Variants in RIPOR2 observed in about 807,000 individuals in gnomAD.
RIPOR2 encodes RHO family interacting cell polarization regulator 2, also known as rho family-interacting cell polarization regulator 2.
In RIPOR2, 39 loss-of-function variants were observed where a neutral mutation model predicts 114.5. The ratio of observed to expected loss-of-function variants is 0.34; its 90% CI spans 0.26 to 0.44. The LOEUF (loss-of-function observed/expected upper bound fraction) is 0.44. RIPOR2 is among the 20% of genes least tolerant of loss of function. RIPOR2 has a pLI of 1.00. For synonymous variants in RIPOR2, 445 were observed against 484.4 expected (o/e 0.92, Z 1.07); for missense variants, 1,007 against 1,255.1 (o/e 0.80, Z 2.99).
intron 1 of RIPOR2, among the ~76,000 whole-genome samples, chr6:25,029,054 C>A (rs1180265106): frequency 2.6e-5 from 4 of 151,948 alleles, no homozygotes; most frequent in African/African-American, 4.8e-5. Context: ...TTTGGGAGGC[C>A]GAGGCAGGTG....
At chr6:24,871,509 G>A (rs941679056) in intron 4 of RIPOR2, among the ~76,000 whole-genome samples, 4 of 152,112 alleles carry the variant, frequency 2.6e-5, no homozygotes, top group East Asian at 1.9e-4. Flanking sequence ...CCACCACCAC[G>A]CCCAGCTAAT....
chr6:24,916,810 C>A (rs1384089459), intron 1 of RIPOR2, among the ~76,000 whole-genome samples: 4 of 152,196 alleles, frequency 2.6e-5, no homozygotes, highest in African/African-American at 9.7e-5. Flanking sequence ...ACACTCTTGA[C>A]ATTTTAGTAT....
At chr6:24,911,015 C>G in intron 1 of RIPOR2, 9 of 982,174 alleles carry the variant, frequency 9.2e-6, no homozygotes, top group Non-Finnish European at 1.1e-5. Flanking sequence ...GCTGCCCTGC[C>G]GCGTCCGCTC....
chr6:24,942,048 G>C (rs1479035696), intron 1 of RIPOR2, among the ~76,000 whole-genome samples: 2 of 152,092 alleles, frequency 1.3e-5, no homozygotes, highest in Non-Finnish European at 2.9e-5. Context: ...AAGATGAGAA[G>C]ATATAACTTT....
At chr6:24,977,254 A>AT (rs1230999180) in intron 1 of RIPOR2, among the ~76,000 whole-genome samples, 1 of 151,698 alleles carries the variant, frequency 6.6e-6, no homozygotes, top group Non-Finnish European at 1.5e-5. Context: ...TTTGTGGCAA[A>AT]TAAGCCATAC....
intron 1 of RIPOR2, among the ~76,000 whole-genome samples, chr6:24,967,762 A>C (rs372557982): frequency 4.6e-5 from 7 of 152,112 alleles, no homozygotes; most frequent in South Asian, 2.1e-4. Context: ...AGGCATTCTC[A>C]TTATTTTCCT....
rs576291833 is a variant in RIPOR2, at chr6:24,878,595, T to C, written c.62-2778A>G. Among the ~76,000 whole-genome samples, 7 of 152,292 alleles carry C rather than the reference T, an allele frequency of 4.6e-5. No homozygotes were observed. The South Asian group carries it at 1.2e-3, about 27-fold the overall frequency. ...CAAGCCAATTTTCCCCCCTTATCCATTGGATCACGGTAGTTTAAACTACTG... is the reference window on the plus strand; with the variant it reads ...CAAGCCAATTTTCCCCCCTTATCCACTGGATCACGGTAGTTTAAACTACTG... On this transcript the variant is annotated intron_variant, in intron 1 of 21. Coordinates refer to ENST00000643898, the MANE Select transcript of RIPOR2 (RefSeq NM_001286445.3).
chr6:24,951,674 C>G (rs1772770698), intron 1 of RIPOR2, among the ~76,000 whole-genome samples: 1 of 152,164 alleles, frequency 6.6e-6, no homozygotes, highest in African/African-American at 2.4e-5. Context: ...ACATTAAAAA[C>G]TGGTACAAAG....
At chr6:24,952,880 T>C (rs984112841) in intron 1 of RIPOR2, among the ~76,000 whole-genome samples, 1 of 152,224 alleles carries the variant, frequency 6.6e-6, no homozygotes, top group Non-Finnish European at 1.5e-5. Context: ...AGTAGCCATA[T>C]AGTTAATGTG....
chr6:24,993,333 T>C (rs1774914652), intron 1 of RIPOR2, among the ~76,000 whole-genome samples: 1 of 152,268 alleles, frequency 6.6e-6, no homozygotes, highest in African/African-American at 2.4e-5. Context: ...CATTATGTAA[T>C]GCCCTTCTTT....
chr6:24,864,905 G>A (rs1332113949), intron 7 of RIPOR2, among the ~76,000 whole-genome samples: 1 of 152,170 alleles, frequency 6.6e-6, no homozygotes, highest in Admixed American at 6.5e-5. Context: ...ATATTTAGAA[G>A]TGTGTTTAAA....
chr6:24,865,854 TTAAA>T (rs1401058659), intron 6 of RIPOR2, among the ~76,000 whole-genome samples: 1 of 151,836 alleles, frequency 6.6e-6, no homozygotes, highest in Non-Finnish European at 1.5e-5. Flanking sequence ...TAATTAAGTA[TTAAA>T]TAAGACTGTA....
chr6:24,832,196 T>C, intron 16 of RIPOR2, 60 bp downstream of exon 16: 2 of 1,483,358 alleles, frequency 1.3e-6, no homozygotes, highest in Middle Eastern at 1.7e-4. Context: ...GCATAGGGAG[T>C]GGACTGGGCT....
intron 1 of RIPOR2, among the ~76,000 whole-genome samples, chr6:24,961,034 A>T (rs576515111): frequency 5.9e-5 from 9 of 152,278 alleles, no homozygotes; most frequent in South Asian, 2.1e-4. Flanking sequence ...ATTTGAGGAG[A>T]GTCGGCTCTG....
In RIPOR2 at chr6:24,806,418, AAC is replaced by A; in HGVS notation, c.3097_3098del (p.Val1033Ter). On this transcript the variant is annotated frameshift_variant, in exon 22 of 22. Transcript: ENST00000643898. LOFTEE classifies it high-confidence loss of function. ...CAGTTCCATGACGACCTCCGACTTTAACACAGTCTCGAGGAAATTTGTCCAAT... is the reference window on the plus strand; with the variant it reads ...CAGTTCCATGACGACCTCCGACTTTAACAGTCTCGAGGAAATTTGTCCAAT... ...EQLDKFPRDC[V>X]KVGGRHGTEV... The A allele has an allele frequency of 6.4e-7, 1 of 1,551,832 alleles. No individual in the cohort carries two copies. Among genetic ancestry groups the A allele is most frequent in the East Asian group, 2.4e-5 (1 of 40,922 alleles).
chr6:25,029,429 A>AG (rs1776801938), intron 1 of RIPOR2, among the ~76,000 whole-genome samples: 3 of 151,410 alleles, frequency 2.0e-5, no homozygotes, highest in Admixed American at 2.0e-4. Context: ...AAAAAAAAAA[A>AG]AAAAGAAGAA....
At chr6:24,940,513 A>G (rs1772068432), upstream of RIPOR2, among the ~76,000 whole-genome samples, 1 of 152,224 alleles carries the variant, frequency 6.6e-6, no homozygotes, top group Non-Finnish European at 1.5e-5. Flanking sequence ...ATCAGAAAAG[A>G]AAAAGGTGAA....
chr6:24,911,686 G>A (rs187875666), intron 1 of RIPOR2, among the ~76,000 whole-genome samples: 1 of 152,250 alleles, frequency 6.6e-6, no homozygotes, highest in East Asian at 1.9e-4. Flanking sequence ...GCATGGGTCT[G>A]CCTGATAGAC....
chr6:24,828,559 G>T (rs1760392013), intron 17 of RIPOR2, among the ~76,000 whole-genome samples: 1 of 152,122 alleles, frequency 6.6e-6, no homozygotes, highest in Non-Finnish European at 1.5e-5. Flanking sequence ...AGTAAAGTAA[G>T]CAGCTGGATG....
Sources: gnomAD v4.1 joint callset for allele counts (sites outside exome capture counted in the v4.1 genomes callset) on GRCh38, gnomAD v4.1.1 for gene constraint, MANE v1.5 for transcripts, NCBI Gene and HGNC (gene_info 2026-07-23, HGNC 2026-07-21) for gene names.